ADGRD1: variants seen among roughly 807,000 people sequenced by gnomAD.
The protein encoded by ADGRD1 is adhesion G protein-coupled receptor D1.
Under a neutral mutation model 113.4 loss-of-function variants are expected in ADGRD1, and 77 were observed. The ratio of observed to expected loss-of-function variants is 0.68; its 90% confidence interval spans 0.57 to 0.82. The LOEUF (loss-of-function observed/expected upper bound fraction) is 0.82. Ranked by LOEUF, ADGRD1 falls within the 40% of genes least tolerant of loss-of-function variation. ADGRD1 has a pLI of 0.00. For missense variants in ADGRD1, 1,036 were observed against 1,139.1 expected, an observed-to-expected ratio of 0.91 and a Z score of 1.30; for synonymous variants, 474 against 475.0, an observed-to-expected ratio of 1.00 and a Z score of 0.03.
intron 4 of ADGRD1, among the ~76,000 whole-genome samples, chr12:130,972,854 G>A (rs1470075080): frequency 6.6e-6 from 1 of 151,986 alleles, no homozygotes; most frequent in Non-Finnish European, 1.5e-5. Context: ...AGGTGCCAGG[G>A]GTTCCAATGC....
chr12:130,987,977 C>T lies in ADGRD1; in HGVS notation c.745+628C>T, dbSNP rs144532345. On this transcript the variant is annotated intron_variant, in intron 6 of 24. Coordinates refer to ENST00000261654, the MANE Select transcript of ADGRD1 (RefSeq NM_198827.5). ...TTTTCATCCCCCCAAAAGGAAACCC[C>T]GCACCCGGTGAGTACAGTCACTCCC... is the stretch of plus-strand genomic sequence containing the variant. The T allele has an allele frequency of 3.4e-3, 538 of 156,004 alleles. 4 individuals are homozygous for T. The highest frequency in any genetic ancestry group is 0.012 in the African/African-American group (511 of 41,552). The allele number at this position is 156,004 out of a possible 1,614,324, so 9.7% of individuals were successfully genotyped here.
chr12:131,078,573 A>G (rs1421611448), intron 14 of ADGRD1, among the ~76,000 whole-genome samples: 2 of 152,258 alleles, frequency 1.3e-5, no homozygotes, highest in Non-Finnish European at 1.5e-5. Flanking sequence ...GGATTTGGTA[A>G]GAACTAAATT....
chr12:131,025,753 T>G (rs1258685675), intron 13 of ADGRD1: 1 of 152,412 alleles, frequency 6.6e-6, no homozygotes, highest in African/African-American at 2.4e-5. Flanking sequence ...CAGGCTGGTC[T>G]CGAACTCCTG....
In ADGRD1 at chr12:131,075,025, G is replaced by A. The variant is rs978278595; in HGVS notation, c.1474-1776G>A. Among the ~76,000 whole-genome samples the A allele has an allele frequency of 1.3e-5, 2 of 152,210 alleles. No individual in the cohort carries two copies. The highest frequency in any genetic ancestry group is 2.9e-5 in the Non-Finnish European group (2 of 68,034). ...TTCCACACGTGGGGCAGAGGCGGGG[G>A]CTGGCACTGGGTGAGGGGGTGATGG... On this transcript the variant is annotated intron_variant, in intron 13 of 24. Transcript: ENST00000261654. This position sits in a 1 kb window ranked among gnomAD's most constrained non-coding sequence, Gnocchi z 5.3.
intron 12 of ADGRD1, among the ~76,000 whole-genome samples, chr12:131,007,740 G>A (rs1877323123): frequency 6.6e-6 from 1 of 152,238 alleles, no homozygotes; most frequent in Non-Finnish European, 1.5e-5. Flanking sequence ...TCCATGAGCA[G>A]CACATTTACG....
chr12:131,125,503 G>GAT (rs1215362256), intron 20 of ADGRD1, among the ~76,000 whole-genome samples: 1 of 152,166 alleles, frequency 6.6e-6, no homozygotes, highest in Non-Finnish European at 1.5e-5. Context: ...TATGGTTACA[G>GAT]ATATATATAC....
At chr12:131,137,996 G>A in intron 23 of ADGRD1, 141 bp from the exon 24 acceptor site, 1 of 679,040 alleles carries the variant, frequency 1.5e-6, no homozygotes, top group Non-Finnish European at 2.6e-6. Flanking sequence ...CTCAGCTGTG[G>A]AGCCAGCAGC....
intron 2 of ADGRD1, chr12:130,963,059 G>C (rs908757374): frequency 1.3e-5 from 2 of 152,156 alleles, no homozygotes; most frequent in African/African-American, 4.8e-5. Context: ...GGTGGCTCAC[G>C]CCTGTAATCC....
In ADGRD1 at chr12:131,136,105, C is replaced by T. The variant is rs61746588; in HGVS notation, c.2336C>T (p.Ala779Val). The change falls in exon 22 of 25, where the codon GCT becomes GTT. Residue 779 changes from alanine to valine, a missense_variant. Transcript: ENST00000261654. ...ACCTCGTGGGTCTTTGGCGTGCTTG[C>T]TGTCAACGGTTGTGCTGTGGTTTTC... ...LGTSWVFGVL[A>V]VNGCAVVFQY... The T allele has an allele frequency of 5.0e-3, 8,115 of 1,614,216 alleles. 28 individuals are homozygous for T. Among genetic ancestry groups the T allele is most frequent in the Non-Finnish European group, 5.9e-3 (6,998 of 1,180,038 alleles).
rs1020912426 is a variant in ADGRD1 at position 131,050,889 on chromosome 12, G to A, written c.1474-25912G>A. Among the ~76,000 whole-genome samples the A allele has an allele frequency of 2.6e-5, 4 of 152,126 alleles. No homozygotes were observed. The highest frequency in any genetic ancestry group is 4.4e-5 in the Non-Finnish European group (3 of 68,020). On this transcript the variant is annotated intron_variant, in intron 13 of 24. Transcript: ENST00000261654. The surrounding 1 kb of genome is among the most constrained non-coding windows in gnomAD (Gnocchi z 4.8). ...GCATTCCTATGAGAATCAAACGCCC[G>A]GCTGATCTGATAGGAGGGGAGCTCA...
At chr12:131,117,724 G>C (rs1950502544) in intron 18 of ADGRD1, among the ~76,000 whole-genome samples, 1 of 152,204 alleles carries the variant, frequency 6.6e-6, no homozygotes, top group Admixed American at 6.5e-5. Flanking sequence ...AAGATGGAGT[G>C]TGATAGGTTC....
rs763109065 is a variant in ADGRD1 at position 131,003,253 on chromosome 12, G to T, written c.1095G>T (p.Leu365=). 2.5e-6 allele frequency: 4 copies of T among 1,613,948 alleles called. No individual in the cohort carries two copies. The highest frequency in any genetic ancestry group is 3.3e-5 in the Admixed American group (2 of 60,008). The change falls in exon 10 of 25, where the codon CTG becomes CTT. Residue 365 remains leucine, a synonymous_variant. Transcript: ENST00000261654. This position sits in a 1 kb window ranked among gnomAD's most constrained non-coding sequence, Gnocchi z 4.8. ...DTVMGHVSSN[L]HGSTPQVTVE... ...TCATGGGCCATGTATCCTCCAACCT[G>T]CACGGCAGCACGCCCCAGGTCACCG...
chr12:131,040,765 C>T (rs3847688), intron 13 of ADGRD1, among the ~76,000 whole-genome samples: 51,395 of 152,230 alleles, frequency 0.34, 10,706 homozygotes, highest in South Asian at 0.52. Context: ...TCGCATGCGA[C>T]AGTCATTTGG....
intron 13 of ADGRD1, among the ~76,000 whole-genome samples, chr12:131,063,096 T>C (rs1252226910): frequency 1.3e-5 from 2 of 152,212 alleles, no homozygotes; most frequent in African/African-American, 2.4e-5. Flanking sequence ...TGTTTTATCA[T>C]TGAATTTTAA....
chr12:130,996,961 C>A (rs1162195138), intron 8 of ADGRD1, among the ~76,000 whole-genome samples: 6 of 133,116 alleles, frequency 4.5e-5, no homozygotes, highest in African/African-American at 1.8e-4. Context: ...GGGTGGGGGG[C>A]TGACCCCCCA....
intron 13 of ADGRD1, among the ~76,000 whole-genome samples, chr12:131,015,211 G>A (rs1389717960): frequency 1.3e-5 from 2 of 152,254 alleles, no homozygotes; most frequent in Non-Finnish European, 2.9e-5. Flanking sequence ...CTGTGTTTCT[G>A]CCCCACCTGG....
At chr12:131,086,796 T>G (rs895577464) in intron 15 of ADGRD1, among the ~76,000 whole-genome samples, 5 of 152,360 alleles carry the variant, frequency 3.3e-5, no homozygotes, top group African/African-American at 1.2e-4. Context: ...TATTCCTGTT[T>G]CCAAAGAGAA....
chr12:130,961,025 G>A (rs989493706), intron 2 of ADGRD1, among the ~76,000 whole-genome samples: 2 of 152,176 alleles, frequency 1.3e-5, no homozygotes, highest in African/African-American at 4.8e-5. Context: ...ATGGAGCCAC[G>A]AAGCCAGCCC....
chr12:131,135,696 C>G (rs2136109633), intron 21 of ADGRD1, among the ~76,000 whole-genome samples: 1 of 145,668 alleles, frequency 6.9e-6, no homozygotes, highest in South Asian at 2.4e-4. Context: ...CCCCGAATCT[C>G]TCCCCTCCGT....
Sources: gnomAD v4.1 joint callset for allele counts (sites outside exome capture counted in the v4.1 genomes callset) on GRCh38, gnomAD v4.1.1 for gene constraint, Gnocchi (gnomAD v3.1) non-coding constraint, MANE v1.5 for transcripts, NCBI Gene and HGNC (gene_info 2026-07-23, HGNC 2026-07-21) for gene names.